Variants in FAM107B observed in about 807,000 individuals in gnomAD.
FAM107B encodes protein FAM107B.
A neutral mutation model predicts 31.5 loss-of-function variants in FAM107B; 21 were observed. That is an observed-to-expected ratio of 0.67 (90% confidence interval 0.47 to 0.96). The LOEUF (loss-of-function observed/expected upper bound fraction) is 0.96. FAM107B is among the 40% of genes least tolerant of loss of function. The pLI is 0.00. For synonymous variants in FAM107B, 157 were observed against 141.5 expected, an observed-to-expected ratio of 1.11 and a Z score of -0.78; for missense variants, 452 against 377.1, an observed-to-expected ratio of 1.20 and a Z score of -1.64.
chr10:14,687,949 T>G (rs1312074116), intron 1 of FAM107B, among the ~76,000 whole-genome samples: 1 of 152,208 alleles, frequency 6.6e-6, no homozygotes, highest in Non-Finnish European at 1.5e-5. Context: ...TGCAAAGTAT[T>G]GATCTTGGGT....
intron 1 of FAM107B, among the ~76,000 whole-genome samples, chr10:14,688,369 A>G (rs113814735): frequency 0.015 from 2,220 of 152,214 alleles, 59 homozygotes; most frequent in African/African-American, 0.05. Context: ...GTGAGTCAGC[A>G]TCTTTAATAC....
intron 2 of FAM107B, among the ~76,000 whole-genome samples, chr10:14,533,125 T>C (rs1847211105): frequency 6.6e-6 from 1 of 152,142 alleles, no homozygotes. Flanking sequence ...AATGACGGTA[T>C]CTGACTCATG....
At chr10:14,666,959 G>A (rs376583725) in intron 2 of FAM107B, among the ~76,000 whole-genome samples, 2 of 152,066 alleles carry the variant, frequency 1.3e-5, no homozygotes, top group African/African-American at 2.4e-5. Context: ...CAGCAAACAC[G>A]TCTGGAGCCA....
At chr10:14,680,997 GC>G (rs1297662564) in intron 1 of FAM107B, among the ~76,000 whole-genome samples, 29 of 152,304 alleles carry the variant, frequency 1.9e-4, no homozygotes, top group African/African-American at 6.7e-4. Flanking sequence ...AACTCACTCA[GC>G]CATCCAGGAT....
chr10:14,643,917 C>T (rs560241932), intron 2 of FAM107B, among the ~76,000 whole-genome samples: 3 of 152,276 alleles, frequency 2.0e-5, no homozygotes, highest in Non-Finnish European at 4.4e-5. Flanking sequence ...AATAATTCCT[C>T]AAGAACGCAA....
chr10:14,698,393 C>A (rs115060743), intron 1 of FAM107B, among the ~76,000 whole-genome samples: 1,853 of 152,210 alleles, frequency 0.012, 41 homozygotes, highest in African/African-American at 0.043. Context: ...TCTGCTAATC[C>A]GGGAGGATTC....
intron 2 of FAM107B, among the ~76,000 whole-genome samples, chr10:14,606,951 A>G (rs1273363331): frequency 6.6e-6 from 1 of 152,248 alleles, no homozygotes; most frequent in Non-Finnish European, 1.5e-5. Flanking sequence ...ATGAATAGAA[A>G]AAGCATGCAC....
intron 1 of FAM107B, among the ~76,000 whole-genome samples, chr10:14,768,555 A>G (rs542206197): frequency 3.9e-5 from 6 of 152,366 alleles, no homozygotes; most frequent in African/African-American, 1.4e-4. Context: ...CAGTGTTGTC[A>G]ACAAATGGTG....
At chr10:14,670,161 C>T (rs79712432) in intron 1 of FAM107B, among the ~76,000 whole-genome samples, 5,121 of 152,240 alleles carry the variant, frequency 0.034, 273 homozygotes, top group African/African-American at 0.12. Flanking sequence ...ATTGATTTCA[C>T]CTGTGTTGGG....
chr10:14,552,569 G>A (rs112869879), intron 2 of FAM107B, among the ~76,000 whole-genome samples: 3 of 152,128 alleles, frequency 2.0e-5, no homozygotes, highest in Non-Finnish European at 4.4e-5. Context: ...AGGCGTGGTA[G>A]CTCACGCCTG....
At chr10:14,528,710 G>A (rs1846606114) in intron 3 of FAM107B, among the ~76,000 whole-genome samples, 1 of 151,046 alleles carries the variant, frequency 6.6e-6, no homozygotes, top group African/African-American at 2.4e-5. Flanking sequence ...GGCAAACAAG[G>A]AGAAGAACAG....
Position 14,668,004 on chromosome 10 carries a change from G to A in FAM107B, c.412-313C>T, listed in dbSNP as rs562819817. ...GTGACTAATATATTTGAAGGCACCC[G>A]TGACTTAGAAATGATGGTGACGGGG... On this transcript the variant is annotated intron_variant, in intron 1 of 4. Coordinates refer to ENST00000181796, the MANE Select transcript of FAM107B (RefSeq NM_031453.4). Among the ~76,000 whole-genome samples the A allele has an allele frequency of 1.1e-4, 17 of 152,250 alleles. No individual in the cohort carries two copies. In the South Asian group the frequency reaches 2.1e-3, roughly 19 times the overall value.
chr10:14,691,539 G>A (rs756989342), intron 1 of FAM107B, among the ~76,000 whole-genome samples: 3 of 152,052 alleles, frequency 2.0e-5, no homozygotes, highest in Non-Finnish European at 2.9e-5. Flanking sequence ...TTATCTTTAC[G>A]ACAACCCTAT....
chr10:14,531,551 AAAAAAAGAGGCTGGG>A (rs1259298477), intron 2 of FAM107B, among the ~76,000 whole-genome samples: 2 of 151,576 alleles, frequency 1.3e-5, no homozygotes, highest in African/African-American at 4.8e-5. Context: ...AAAAAAAAAA[AAAAAAAGAGGCTGGG>A]CACAGTGGCT....
chr10:14,704,409 C>G (rs1017684001), intron 1 of FAM107B, among the ~76,000 whole-genome samples: 1 of 152,100 alleles, frequency 6.6e-6, no homozygotes, highest in Admixed American at 6.6e-5. Context: ...CAATAACAAA[C>G]AGTTTCCAAC....
chr10:14,614,535 T>C (rs1439468365), intron 2 of FAM107B, among the ~76,000 whole-genome samples: 1 of 151,596 alleles, frequency 6.6e-6, no homozygotes, highest in Non-Finnish European at 1.5e-5. Context: ...TAGCCAGGCA[T>C]GGTGGCGCAT....
intron 1 of FAM107B, chr10:14,723,373 C>A: frequency 3.6e-6 from 2 of 548,196 alleles, no homozygotes; most frequent in Non-Finnish European, 7.2e-6. Context: ...TCGATTTGCC[C>A]TGAAATTCCT....
chr10:14,752,170 G>C (rs527263219), intron 1 of FAM107B, among the ~76,000 whole-genome samples: 1 of 152,336 alleles, frequency 6.6e-6, no homozygotes, highest in African/African-American at 2.4e-5. Context: ...GCTGTGGCCA[G>C]AGAGACAGGC....
chr10:14,606,057 C>T (rs1352157343), intron 2 of FAM107B, among the ~76,000 whole-genome samples: 1 of 152,118 alleles, frequency 6.6e-6, no homozygotes, highest in Non-Finnish European at 1.5e-5. Flanking sequence ...TCAGTTTCCT[C>T]CTCTGCTTGA....
Sources: gnomAD v4.1 joint callset for allele counts (sites outside exome capture counted in the v4.1 genomes callset) on GRCh38, gnomAD v4.1.1 for gene constraint, MANE v1.5 for transcripts, NCBI Gene and HGNC (gene_info 2026-07-23, HGNC 2026-07-21) for gene names.